Variants in FMN2 observed in about 807,000 individuals in gnomAD.
FMN2 encodes the protein formin-2.
FMN2 carries 51 observed loss-of-function variants against 142.3 expected under a neutral mutation model. That is an observed-to-expected ratio of 0.36 (90% CI 0.29 to 0.45). FMN2 has a LOEUF of 0.45. Among genes scored for constraint, FMN2 ranks in the 20% least tolerant of loss-of-function variants. The pLI is 1.00. For missense variants in FMN2, 1,936 were observed against 2,122.8 expected, an observed-to-expected ratio of 0.91 and a Z score of 1.73; for synonymous variants, 882 against 869.8, an observed-to-expected ratio of 1.01 and a Z score of -0.25.
At chr1:240,295,172 T>C (rs1456271432) in intron 8 of FMN2, among the ~76,000 whole-genome samples, 2 of 148,060 alleles carry the variant, frequency 1.4e-5, no homozygotes, top group Non-Finnish European at 3.0e-5. Flanking sequence ...GAGCCAAGCA[T>C]TGTTCTGTGC....
At chr1:240,204,187 T>G (rs1237960391) in intron 4 of FMN2, among the ~76,000 whole-genome samples, 1 of 152,180 alleles carries the variant, frequency 6.6e-6, no homozygotes, top group Non-Finnish European at 1.5e-5. Context: ...AGGGGTTGTG[T>G]TTCTAAATTA....
chr1:240,239,943 G>T (rs1221618360), intron 6 of FMN2, among the ~76,000 whole-genome samples: 5 of 152,142 alleles, frequency 3.3e-5, no homozygotes, highest in African/African-American at 1.2e-4. Flanking sequence ...TATTTTGGTT[G>T]TTATTTGTTT....
At chr1:240,160,777 A>G (rs1205503064) in intron 2 of FMN2, among the ~76,000 whole-genome samples, 1 of 152,084 alleles carries the variant, frequency 6.6e-6, no homozygotes. Context: ...GATAAATAAG[A>G]AATTGGAGAA....
intron 16 of FMN2, among the ~76,000 whole-genome samples, chr1:240,451,656 T>G (rs530536884): frequency 1.3e-5 from 2 of 152,118 alleles, no homozygotes; most frequent in African/African-American, 4.8e-5. Context: ...CTGTCTCCAC[T>G]AACTTAGGAG....
At chr1:240,246,930 T>TAC (rs1414085469) in intron 6 of FMN2, among the ~76,000 whole-genome samples, 1 of 152,230 alleles carries the variant, frequency 6.6e-6, no homozygotes, top group East Asian at 1.9e-4. Flanking sequence ...TAGAAGAGTG[T>TAC]ACTCTCCTCT....
At chr1:240,171,275 G>T in intron 2 of FMN2, 1 of 742,654 alleles carries the variant, frequency 1.3e-6, no homozygotes, top group South Asian at 1.4e-5. Context: ...AAAAGCATTC[G>T]AACTGTTGTG....
chr1:240,232,824 A>G (rs527717858), intron 6 of FMN2, among the ~76,000 whole-genome samples: 2 of 152,266 alleles, frequency 1.3e-5, no homozygotes, highest in Admixed American at 1.3e-4. Flanking sequence ...ATAGTCTACT[A>G]TACATTTTTT....
At chr1:240,192,720 G>T (rs1226196123) in intron 4 of FMN2, among the ~76,000 whole-genome samples, 1 of 152,144 alleles carries the variant, frequency 6.6e-6, no homozygotes, top group Non-Finnish European at 1.5e-5. Flanking sequence ...TCTGGGAAGG[G>T]GCAAGCGAGA....
chr1:240,397,290 T>G (rs1220087476), intron 15 of FMN2, among the ~76,000 whole-genome samples: 5 of 152,206 alleles, frequency 3.3e-5, no homozygotes, highest in Non-Finnish European at 2.9e-5. Flanking sequence ...TGCCTATTTT[T>G]TAATTGGATT....
chr1:240,405,135 A>G (rs553051585), intron 15 of FMN2, among the ~76,000 whole-genome samples: 36 of 152,300 alleles, frequency 2.4e-4, no homozygotes, highest in Admixed American at 1.8e-3. Flanking sequence ...CCTAAAACCT[A>G]AAGGAAGAGT....
chr1:240,392,422 T>C, intron 14 of FMN2, 89 bp from the exon 15 acceptor site: 2 of 992,508 alleles, frequency 2.0e-6, no homozygotes, highest in Non-Finnish European at 3.1e-6. Flanking sequence ...ATAATTAAAA[T>C]AAGTTACGTT....
At chr1:240,297,684 T>C (rs1485349512) in intron 8 of FMN2, among the ~76,000 whole-genome samples, 1 of 151,652 alleles carries the variant, frequency 6.6e-6, no homozygotes, top group Non-Finnish European at 1.5e-5. Context: ...AATTTATGAC[T>C]CAGGACAAAC....
At chr1:240,368,955 T>TTATATA (rs10671772) in intron 14 of FMN2, among the ~76,000 whole-genome samples, 4,100 of 148,032 alleles carry the variant, frequency 0.028, 147 homozygotes, top group African/African-American at 0.084. Flanking sequence ...AACACAATGT[T>TTATATA]TATATATATA....
intron 14 of FMN2, among the ~76,000 whole-genome samples, chr1:240,384,624 G>T (rs1162892417): frequency 1.3e-5 from 2 of 151,914 alleles, no homozygotes; most frequent in Non-Finnish European, 2.9e-5. Context: ...CATTGCCTTT[G>T]TCTTTTCCTT....
At chr1:240,145,530 ATTTTTTTTTTTTTTTT>A (rs71168902) in intron 2 of FMN2, 7 of 84,484 alleles carry the variant, frequency 8.3e-5, no homozygotes, top group East Asian at 3.4e-4. Flanking sequence ...TTCTTTTTCT[ATTTTTTTTTTTTTTTT>A]TTTTTTTTTT....
chr1:240,148,480 AAAAG>A (rs547245083), intron 2 of FMN2, among the ~76,000 whole-genome samples: 270 of 137,792 alleles, frequency 2.0e-3, no homozygotes, highest in African/African-American at 6.5e-3. Flanking sequence ...GAGAGAAAGA[AAAAG>A]AGAGAGAGAA....
At chr1:240,170,503 C>T in intron 2 of FMN2, 1 of 1,506,610 alleles carries the variant, frequency 6.6e-7, no homozygotes, top group Non-Finnish European at 9.2e-7. Context: ...CTAACCTTGC[C>T]AGAATATAAG....
intron 2 of FMN2, among the ~76,000 whole-genome samples, chr1:240,140,038 G>A (rs943804466): frequency 1.3e-5 from 2 of 152,124 alleles, no homozygotes; most frequent in African/African-American, 4.8e-5. Context: ...GTAAGCTGCT[G>A]GAGGGTGTGG....
intron 6 of FMN2, chr1:240,245,483 G>A (rs1197218095): frequency 2.1e-6 from 1 of 470,578 alleles, no homozygotes; most frequent in Non-Finnish European, 4.4e-6. Flanking sequence ...TTAGTCAAAG[G>A]TTCCCGTCCT....
Sources: allele counts gnomAD v4.1 joint callset (sites outside exome capture counted in the v4.1 genomes callset), GRCh38; gene constraint gnomAD v4.1.1; transcripts MANE v1.5; gene names NCBI Gene and HGNC (gene_info 2026-07-23, HGNC 2026-07-21).